PHF6: variants seen among roughly 807,000 people sequenced by gnomAD.
The protein encoded by PHF6 is PHD finger protein 6.
In PHF6, 7 loss-of-function variants were observed where a neutral mutation model predicts 34.0. The observed-to-expected ratio is 0.21, with a 90% confidence interval of 0.12 to 0.39. PHF6 has a LOEUF of 0.39. Among genes scored for constraint, PHF6 ranks in the 10% least tolerant of loss-of-function variants. The pLI is 1.00. For synonymous variants in PHF6, 89 were observed against 88.4 expected (o/e 1.01, Z -0.04); for missense variants, 128 against 262.8 (o/e 0.49, Z 3.55).
At chrX:134,392,073 CAT>C (rs1227139486) in intron 3 of PHF6, among the ~76,000 whole-genome samples, 1 of 111,745 alleles carries the variant, frequency 8.9e-6, no homozygotes, top group Non-Finnish European at 1.9e-5. Flanking sequence ...CTGTTTCTGA[CAT>C]ATGAATATTT....
intron 9 of PHF6, 156 bp downstream of exon 9, chrX:134,417,458 T>C: frequency 2.0e-6 from 1 of 505,832 alleles, no homozygotes. Context: ...AATTGGCATT[T>C]TCCTCTGACT....
At chrX:134,424,723 C>T (rs973422252) in intron 9 of PHF6, among the ~76,000 whole-genome samples, 1 of 111,833 alleles carries the variant, frequency 8.9e-6, no homozygotes, top group Non-Finnish European at 1.9e-5. Context: ...CCAGTGAAGG[C>T]TAGGATGCTA....
chrX:134,425,091 A>G, intron 9 of PHF6, 110 bp from the exon 10 acceptor site: 1 of 959,011 alleles, frequency 1.0e-6, no homozygotes, highest in Non-Finnish European at 1.5e-6. Flanking sequence ...TAAAGTGTGG[A>G]TGAGGAAACC....
At chrX:134,425,501 A>T in intron 10 of PHF6, 160 bp from the exon 11 acceptor site, 1 of 525,825 alleles carries the variant, frequency 1.9e-6, no homozygotes, top group Non-Finnish European at 3.1e-6. Flanking sequence ...TTGTTTTTTA[A>T]CTAGCTGATT....
intron 7 of PHF6, 31 bp downstream of exon 7, chrX:134,413,997 T>C: frequency 8.4e-7 from 1 of 1,196,783 alleles, no homozygotes; most frequent in Non-Finnish European, 1.1e-6. Context: ...CCCAATTTTG[T>C]TTTTTTGTTG....
Position 134,415,746 on chromosome X carries a change from T to C in PHF6, c.834+626T>C, listed in dbSNP as rs142458792. Among the ~76,000 whole-genome samples the C allele has an allele frequency of 3.3e-3, 366 of 111,366 alleles. 4 individuals are homozygous for C. Among genetic ancestry groups the C allele is most frequent in the African/African-American group, 0.011 (350 of 30,713 alleles). The stretch of plus-strand genomic sequence containing the variant: ...ACCGCAATTGGAAAGCCTAGTAACA[T>C]GTATCTATCCATCATCTTGCTTCAT... On this transcript the variant is annotated intron_variant, in intron 8 of 10. Coordinates refer to ENST00000370803, the MANE Select transcript of PHF6 (RefSeq NM_001015877.2).
intron 1 of PHF6, among the ~76,000 whole-genome samples, chrX:134,376,011 A>G (rs2077276856): frequency 8.9e-6 from 1 of 112,017 alleles, no homozygotes. Context: ...CGACTGAGAT[A>G]TTTAAAATTA....
intron 3 of PHF6, among the ~76,000 whole-genome samples, chrX:134,386,528 A>G (rs1370886896): frequency 9.1e-5 from 10 of 109,372 alleles, no homozygotes; most frequent in Non-Finnish European, 1.7e-4. Flanking sequence ...CTCCTGCCTC[A>G]GCCTCCCGAG....
At chrX:134,387,022 G>A (rs567272174) in intron 3 of PHF6, among the ~76,000 whole-genome samples, 1 of 111,866 alleles carries the variant, frequency 8.9e-6, no homozygotes, top group South Asian at 3.7e-4. Flanking sequence ...TGGCCTCATT[G>A]TCATCTGTGT....
At chrX:134,397,016 G>C (rs2077380298) in intron 5 of PHF6, among the ~76,000 whole-genome samples, 1 of 111,218 alleles carries the variant, frequency 9.0e-6, no homozygotes, top group Non-Finnish European at 1.9e-5. Flanking sequence ...TATGATAAAT[G>C]CTATTAATAT....
intron 1 of PHF6, among the ~76,000 whole-genome samples, chrX:134,377,224 A>T (rs2077281430): frequency 8.9e-6 from 1 of 112,028 alleles, no homozygotes; most frequent in Non-Finnish European, 1.9e-5. Context: ...AACTTCATTT[A>T]GCTGTCTGTT....
chrX:134,389,202 A>G (rs2077343626), intron 3 of PHF6, among the ~76,000 whole-genome samples: 1 of 111,722 alleles, frequency 9.0e-6, no homozygotes, highest in Non-Finnish European at 1.9e-5. Flanking sequence ...GGATACAAGC[A>G]GGATAAGCTG....
intron 3 of PHF6, among the ~76,000 whole-genome samples, chrX:134,392,767 A>G (rs1289900350): frequency 3.6e-5 from 4 of 110,410 alleles, no homozygotes; most frequent in South Asian, 3.8e-4. Flanking sequence ...GTTATGTGAG[A>G]TATTTTTCCC....
chrX:134,399,216 G>T (rs747888479), intron 5 of PHF6, among the ~76,000 whole-genome samples: 1 of 111,533 alleles, frequency 9.0e-6, no homozygotes, highest in East Asian at 2.8e-4. Context: ...TGACAACGGA[G>T]CCATGGGTGA....
At chrX:134,413,774 C>G in intron 6 of PHF6, 49 bp from the exon 7 acceptor site, 2 of 1,201,194 alleles carry the variant, frequency 1.7e-6, no homozygotes, top group South Asian at 3.5e-5. Context: ...ATACCGATAG[C>G]ATATTTTCAT....
At position 134,405,469 on chromosome X, in the gene PHF6, G is replaced by A. The variant is rs1038309441; in HGVS notation, c.419-8022G>A. Reference sequence around the variant, plus strand: ...CCACCTCAGCCTCTCAAAGTACTGGGATTACAGGCGTGAGCCACCGCGCCC... The same window carrying A: ...CCACCTCAGCCTCTCAAAGTACTGGAATTACAGGCGTGAGCCACCGCGCCC... On this transcript the variant is annotated intron_variant, in intron 5 of 10. Coordinates refer to ENST00000370803, the MANE Select transcript of PHF6 (RefSeq NM_001015877.2). Among the ~76,000 whole-genome samples the A allele has an allele frequency of 6.3e-5, 7 of 111,697 alleles. No homozygotes were observed. In the East Asian group the frequency reaches 1.4e-3, roughly 22 times the overall value.
chrX:134,392,175 T>C (rs951981021), intron 3 of PHF6, among the ~76,000 whole-genome samples: 1 of 112,253 alleles, frequency 8.9e-6, no homozygotes, highest in Non-Finnish European at 1.9e-5. Context: ...AGCCTCTTGG[T>C]ACACCAATAT....
intron 5 of PHF6, among the ~76,000 whole-genome samples, chrX:134,409,918 TCTGTTCCTGCCATATC>T (rs2077442607): frequency 2.7e-5 from 3 of 111,535 alleles, no homozygotes; most frequent in African/African-American, 9.8e-5. Flanking sequence ...CATTTGGTTT[TCTGTTCCTGCCATATC>T]CTTATTGCCA....
In PHF6 at chrX:134,413,946, G is replaced by T; in HGVS notation, c.709G>T (p.Ala237Ser). Reference protein sequence around the residue: ...KLHIFNAKKAAAHYKCMLFSS... With the variant: ...KLHIFNAKKASAHYKCMLFSS... The stretch of plus-strand genomic sequence containing the variant: ...GCATATATTTAATGCCAAGAAGGCA[G>T]CTGCCCATTATAAGTGCATGGTAAG... The change falls in exon 7 of 11, where the codon GCT becomes TCT. Residue 237 changes from alanine (A) to serine (S), a missense_variant. By Grantham distance (99) the Ala-to-Ser change is moderately conservative. Around this residue, in one of 3 missense-constraint regions of PHF6, gnomAD observed 16 missense variants for 93.7 expected, o/e 0.17. Coordinates refer to ENST00000370803, the MANE Select transcript of PHF6 (RefSeq NM_001015877.2). 8.3e-7 allele frequency: 1 copy of T among 1,210,598 alleles called. No individual in the cohort carries two copies. Among genetic ancestry groups the T allele is most frequent in the Non-Finnish European group, 1.1e-6 (1 of 894,711 alleles).
Sources: allele counts gnomAD v4.1 joint callset (sites outside exome capture counted in the v4.1 genomes callset), GRCh38; gene constraint gnomAD v4.1.1; regional missense constraint gnomAD v4.1.1; transcripts MANE v1.5; gene names NCBI Gene and HGNC (gene_info 2026-07-23, HGNC 2026-07-21).